SNRNP35: variants seen among roughly 807,000 people sequenced by gnomAD.
SNRNP35 encodes the protein small nuclear ribonucleoprotein U11/U12 subunit 35.
In SNRNP35, 16 loss-of-function variants were observed where a neutral mutation model predicts 24.3. The ratio of observed to expected loss-of-function variants is 0.66; its 90% CI spans 0.45 to 1.00. SNRNP35 has a LOEUF of 1.00. SNRNP35 is among the 50% of genes least tolerant of loss of function. The pLI is 0.00. For synonymous variants in SNRNP35, 106 were observed against 124.8 expected (o/e 0.85, Z 1.00); for missense variants, 292 against 327.2 (o/e 0.89, Z 0.83).
In SNRNP35 at chr12:123,458,263, G is replaced by A. The variant is rs533916040; in HGVS notation, c.-4+47G>A. Reference sequence around the variant, plus strand: ...GGAGCGGGCCCCACGCCGGAGAGAAGGAAGAGGGAGTGCGGCCCAGACGCT... The same window carrying A: ...GGAGCGGGCCCCACGCCGGAGAGAAAGAAGAGGGAGTGCGGCCCAGACGCT... On this transcript the variant is annotated intron_variant, in intron 1 of 1. Transcript: ENST00000526639. 255 of 981,784 alleles carry A rather than the reference G, an allele frequency of 2.6e-4. 1 individual carries two copies. In the African/African-American group the frequency reaches 4.2e-3, roughly 16 times the overall value. The allele number at this position is 981,784 out of a possible 1,614,324, so 60.8% of individuals were successfully genotyped here. A position where few individuals can be genotyped will look rare whatever the true frequency, so the allele number is the denominator to read the frequency against.
At chr12:123,461,471 A>G (rs1880630366) in intron 1 of SNRNP35, among the ~76,000 whole-genome samples, 1 of 151,770 alleles carries the variant, frequency 6.6e-6, no homozygotes, top group Non-Finnish European at 1.5e-5. Flanking sequence ...ACGAGAGAAG[A>G]CACAAATTGA....
chr12:123,460,652 A>T (rs1192982609), intron 1 of SNRNP35, among the ~76,000 whole-genome samples: 2 of 150,140 alleles, frequency 1.3e-5, no homozygotes, highest in Admixed American at 1.3e-4. Flanking sequence ...ATAGTGAGTA[A>T]TTCCAGGTAC....
chr12:123,472,203 T>C (rs1566108314), exon 2 of SNRNP35: 5 of 265,546 alleles, frequency 1.9e-5, no homozygotes, highest in Non-Finnish European at 2.9e-5. Flanking sequence ...ACAGCAATGA[T>C]AGTGGCAAGT....
rs1018615078 is a variant in SNRNP35 at position 123,466,012 on chromosome 12, C to T, written c.472C>T (p.Arg158Trp). The stretch of plus-strand genomic sequence containing the variant: ...GTCTGGGCAACTGAGATTTGGGGGA[C>T]GGGACCGGCCTTTTCGAAAACCTAT... ...KESGQLRFGG[R>W]DRPFRKPINL... Residue 158 changes from arginine (R) to tryptophan (W), a missense_variant, in exon 2 of 2, where the codon CGG (arginine) becomes TGG (tryptophan). By Grantham distance (101) the Arg-to-Trp change is moderately radical. Transcript: ENST00000526639. 6.2e-6 allele frequency: 10 copies of T among 1,613,860 alleles called. No individual in the cohort carries two copies. Among genetic ancestry groups the T allele is most frequent in the African/African-American group, 4.0e-5 (3 of 74,864 alleles).
At chr12:123,458,944 A>T (rs1333670990) in intron 1 of SNRNP35, 1 of 146,998 alleles carries the variant, frequency 6.8e-6, no homozygotes, top group Non-Finnish European at 1.5e-5. Context: ...GGCTTCATTT[A>T]TTTTTTTGTT....
chr12:123,465,549 T>C lies in SNRNP35; in HGVS notation c.9T>C (p.Asp3=). The C allele has an allele frequency of 1.9e-6, 3 of 1,547,216 alleles. No homozygotes were observed. Among genetic ancestry groups the C allele is most frequent in the Non-Finnish European group, 1.7e-6 (2 of 1,147,646 alleles). Residue 3 remains aspartate (D), a synonymous_variant, in exon 2 of 2, where the codon GAT becomes GAC. Transcript: ENST00000526639. This position sits in a 1 kb window ranked among gnomAD's most constrained non-coding sequence, Gnocchi z 4.2. MN[D]WMPIAKEYDP... ...CTTATCATTCATAGAACATGAACGATTGGATGCCCATCGCCAAGGAGTATG... is the reference window on the plus strand; with the variant it reads ...CTTATCATTCATAGAACATGAACGACTGGATGCCCATCGCCAAGGAGTATG...
At chr12:123,469,390 T>C (rs1029437632), downstream of SNRNP35, among the ~76,000 whole-genome samples, 44 of 152,044 alleles carry the variant, frequency 2.9e-4, no homozygotes, top group Non-Finnish European at 4.4e-4. Context: ...CCTGACCTCA[T>C]GATCTGCCTG....
chr12:123,465,607 G>T lies in SNRNP35; in HGVS notation c.67G>T (p.Asp23Tyr). ...PLKAGSIDGT[D>Y]EDPHDRAVWR... ...CAAAGCGGGCAGCATTGATGGCACC[G>T]ATGAAGACCCACACGACCGCGCGGT... is the stretch of plus-strand genomic sequence containing the variant. The change falls in exon 2 of 2, where the codon GAT becomes TAT. Residue 23 changes from aspartate (D) to tyrosine (Y), a missense_variant. Asp to Tyr is a radical substitution (Grantham distance 160). Transcript: ENST00000526639. This position sits in a 1 kb window ranked among gnomAD's most constrained non-coding sequence, Gnocchi z 4.2. 1.2e-6 allele frequency: 2 copies of T among 1,607,012 alleles called. No homozygotes were observed. Among genetic ancestry groups the T allele is most frequent in the Non-Finnish European group, 1.7e-6 (2 of 1,176,686 alleles).
chr12:123,468,374 AAG>A (rs1491264412), downstream of SNRNP35, among the ~76,000 whole-genome samples: 34 of 142,666 alleles, frequency 2.4e-4, no homozygotes, highest in African/African-American at 7.7e-4. Context: ...AAAAAAAAAA[AAG>A]AAAAGAAAAA....
downstream of SNRNP35, among the ~76,000 whole-genome samples, chr12:123,469,709 C>A (rs571654514): frequency 6.6e-6 from 1 of 151,950 alleles, no homozygotes; most frequent in Non-Finnish European, 1.5e-5. Context: ...TGCTATGTCA[C>A]CTAGGTTTGT....
chr12:123,461,722 ATTT>A (rs1180729336), intron 1 of SNRNP35, among the ~76,000 whole-genome samples: 5 of 135,298 alleles, frequency 3.7e-5, no homozygotes, highest in Admixed American at 7.4e-5. Context: ...AAGTTCTATG[ATTT>A]TTTTTTTTTT....
At chr12:123,460,571 G>A (rs935905782) in intron 1 of SNRNP35, among the ~76,000 whole-genome samples, 2 of 119,030 alleles carry the variant, frequency 1.7e-5, no homozygotes, top group Non-Finnish European at 3.2e-5. Context: ...TTCAAGATCA[G>A]CCTATGCAAT....
At chr12:123,468,646 T>C (rs1235669576), downstream of SNRNP35, among the ~76,000 whole-genome samples, 1 of 151,612 alleles carries the variant, frequency 6.6e-6, no homozygotes, top group Admixed American at 6.6e-5. Flanking sequence ...GCTGAGATTG[T>C]GCCACTGCAC....
chr12:123,459,833 A>G (rs1880503324), intron 1 of SNRNP35: 3 of 1,578,628 alleles, frequency 1.9e-6, no homozygotes, highest in Non-Finnish European at 2.6e-6. Flanking sequence ...GTTGTAGGAA[A>G]TCTCAACCTA....
chr12:123,471,591 G>A (rs1881192978), downstream of SNRNP35: 1 of 152,204 alleles, frequency 6.6e-6, no homozygotes, highest in Admixed American at 6.6e-5. Context: ...CTATAGCCCT[G>A]TGAGTCAGCC....
downstream of SNRNP35, among the ~76,000 whole-genome samples, chr12:123,469,131 G>A (rs2139294601): frequency 6.6e-6 from 1 of 151,766 alleles, no homozygotes; most frequent in East Asian, 1.9e-4. Context: ...GGGGGGCTCA[G>A]TCATCCGTGG....
chr12:123,461,537 C>T (rs1021343697), intron 1 of SNRNP35, among the ~76,000 whole-genome samples: 1 of 152,016 alleles, frequency 6.6e-6, no homozygotes, highest in African/African-American at 2.4e-5. Flanking sequence ...TCCTGTGCTC[C>T]TTCTGTCACT....
intron 1 of SNRNP35, among the ~76,000 whole-genome samples, chr12:123,463,493 T>G (rs571973333): frequency 0.012 from 1,825 of 151,492 alleles, 18 homozygotes; most frequent in Non-Finnish European, 0.018. Flanking sequence ...TTCTCCTGCC[T>G]CAACCTCCCG....
chr12:123,459,874 G>A (rs780367613), intron 1 of SNRNP35: 1 of 1,597,496 alleles, frequency 6.3e-7, no homozygotes, highest in South Asian at 1.1e-5. Flanking sequence ...CACCTAGAAA[G>A]ATTAATGAGA....
Sources: allele counts gnomAD v4.1 joint callset (sites outside exome capture counted in the v4.1 genomes callset), GRCh38; gene constraint gnomAD v4.1.1; non-coding constraint Gnocchi (gnomAD v3.1); transcripts MANE v1.5; gene names NCBI Gene and HGNC (gene_info 2026-07-23, HGNC 2026-07-21).